Variants in IL17RD observed in about 807,000 individuals in gnomAD.
IL17RD encodes the protein interleukin 17 receptor D.
IL17RD carries 52 observed loss-of-function variants against 80.5 expected under a neutral mutation model. The observed-to-expected ratio is 0.65, with a 90% CI of 0.52 to 0.81. The LOEUF (loss-of-function observed/expected upper bound fraction) is 0.81. Ranked by LOEUF, IL17RD falls within the 40% of genes least tolerant of loss-of-function variation. The pLI, the probability that IL17RD is intolerant of heterozygous loss-of-function variation, is 0.00. For missense variants in IL17RD, 1,024 were observed against 955.1 expected, an observed-to-expected ratio of 1.07 and a Z score of -0.95; for synonymous variants, 416 against 391.8, an observed-to-expected ratio of 1.06 and a Z score of -0.73.
chr3:57,093,855 C>T lies in IL17RD; in HGVS notation c.*2538G>A, dbSNP rs1437252611. The T allele has an allele frequency of 2.6e-5, 4 of 152,192 alleles. No homozygotes were observed. The allele number at this position is 152,192 out of a possible 1,614,324, so 9.4% of individuals were successfully genotyped here. ...ATCAGATGCTAAGTCCTTTCTGTAG[C>T]TCATTGGTAAGTTAAGATGAACAAC... On this transcript the variant is annotated 3_prime_UTR_variant, in exon 13 of 13. Coordinates refer to ENST00000296318, the MANE Select transcript of IL17RD (RefSeq NM_017563.5).
At chr3:57,119,930 C>A (rs1444803145) in intron 2 of IL17RD, among the ~76,000 whole-genome samples, 5 of 152,208 alleles carry the variant, frequency 3.3e-5, no homozygotes, top group African/African-American at 9.6e-5. Flanking sequence ...TAGCACCCTG[C>A]ACTGGGGCAA....
chr3:57,098,352 GGAAGAGC>G lies in IL17RD; in HGVS notation c.1344_1350del (p.Glu448AspfsTer43). The stretch of plus-strand genomic sequence containing the variant: ...TCGGCAATGGCTGACACCGCCACCA[GGAAGAGC>G]TCTCCTTTCCCCGAGCCTCGGCCAC... On this transcript the variant is annotated frameshift_variant, in exon 12 of 13. Coordinates refer to ENST00000296318, the MANE Select transcript of IL17RD (RefSeq NM_017563.5). LOFTEE classifies it high-confidence loss of function. The G allele has an allele frequency of 1.2e-6, 2 of 1,614,024 alleles. No homozygotes were observed. The highest frequency in any genetic ancestry group is 1.7e-6 in the Non-Finnish European group (2 of 1,179,888).
At chr3:57,138,255 TTTATG>T (rs1262050593) in intron 1 of IL17RD, among the ~76,000 whole-genome samples, 1 of 152,168 alleles carries the variant, frequency 6.6e-6, no homozygotes, top group African/African-American at 2.4e-5. Context: ...AATGGTAAAT[TTTATG>T]TTATGTGTAT....
rs1368483808 is a variant in IL17RD at position 57,098,482 on chromosome 3, C to T, written c.1221G>A (p.Trp407Ter). The change falls in exon 12 of 13, where the codon TGG (tryptophan) becomes TGA (stop). Residue 407 changes from tryptophan to a stop codon, truncating the protein, a stop_gained. Transcript: ENST00000296318. LOFTEE classifies it high-confidence loss of function. ...GGGACTCGTGGATCTTCTGGATGAC[C>T]CATTCTCTCTGCCCTTCTCTACAGA... ...FSLCREGQRE[W>*]VIQKIHESQF... is the part of the protein sequence containing the mutation. 1.9e-6 allele frequency: 3 copies of T among 1,613,732 alleles called. No homozygotes were observed. The highest frequency in any genetic ancestry group is 2.5e-6 in the Non-Finnish European group (3 of 1,179,734).
chr3:57,137,235 T>C (rs1204170196), intron 1 of IL17RD, among the ~76,000 whole-genome samples: 1 of 152,192 alleles, frequency 6.6e-6, no homozygotes, highest in African/African-American at 2.4e-5. Context: ...CAACACACCC[T>C]CATTGCTTCT....
chr3:57,123,397 T>C (rs972218339), intron 1 of IL17RD, among the ~76,000 whole-genome samples: 6 of 152,218 alleles, frequency 3.9e-5, no homozygotes, highest in Admixed American at 3.9e-4. Flanking sequence ...TTGCACCTTC[T>C]AAACCCTTTG....
In IL17RD at chr3:57,101,830, A is replaced by C. The variant is rs1706837879; in HGVS notation, c.980-467T>G. 1.3e-5 allele frequency among the ~76,000 whole-genome samples: 2 copies of C among 152,238 alleles called. 1 individual carries two copies. Among genetic ancestry groups the C allele is most frequent in the South Asian group, 4.1e-4 (2 of 4,834 alleles). ...ATATAACTGTGTAATCCTCACCCAG[A>C]CCAAGCTATGGATCATTTCCAACTC... On this transcript the variant is annotated intron_variant, in intron 10 of 12. Transcript: ENST00000296318.
intron 1 of IL17RD, among the ~76,000 whole-genome samples, chr3:57,128,563 A>G (rs148124628): frequency 6.6e-6 from 1 of 151,932 alleles, no homozygotes; most frequent in Non-Finnish European, 1.5e-5. Flanking sequence ...AAATCCATTC[A>G]CTAAAGATAA....
At chr3:57,163,464 C>T (rs998124878) in intron 1 of IL17RD, among the ~76,000 whole-genome samples, 19 of 152,166 alleles carry the variant, frequency 1.2e-4, no homozygotes, top group African/African-American at 4.3e-4. Flanking sequence ...GGAAACTTCA[C>T]GAGTTTTGTA....
At chr3:57,117,611 A>G (rs1707244790) in intron 2 of IL17RD, among the ~76,000 whole-genome samples, 1 of 152,248 alleles carries the variant, frequency 6.6e-6, no homozygotes, top group Admixed American at 6.5e-5. Context: ...GATTTTTAGT[A>G]ATTTTGTTGA....
At chr3:57,129,433 A>C (rs1008995724) in intron 1 of IL17RD, among the ~76,000 whole-genome samples, 1 of 152,214 alleles carries the variant, frequency 6.6e-6, no homozygotes, top group Non-Finnish European at 1.5e-5. Flanking sequence ...ACAACTACTA[A>C]TGAAAAGCCT....
At chr3:57,168,567 G>A (rs2060357165), upstream of IL17RD, among the ~76,000 whole-genome samples, 1 of 152,212 alleles carries the variant, frequency 6.6e-6, no homozygotes, top group African/African-American at 2.4e-5. Flanking sequence ...GTGAGTGGCA[G>A]GAGAGCCACA....
chr3:57,148,834 C>T (rs1269078459), intron 1 of IL17RD, among the ~76,000 whole-genome samples: 1 of 152,180 alleles, frequency 6.6e-6, no homozygotes, highest in Non-Finnish European at 1.5e-5. Flanking sequence ...CCCAGAACAT[C>T]CCCACCTCTC....
intron 4 of IL17RD, 38 bp downstream of exon 4, chr3:57,110,155 G>A (rs371916612): frequency 3.7e-5 from 58 of 1,558,646 alleles, no homozygotes; most frequent in Middle Eastern, 1.7e-4. Context: ...CTGGAACAAT[G>A]GCATGTCTTC....
rs201420445 is a variant in IL17RD at position 57,097,757 on chromosome 3, G to A, written c.1946C>T (p.Thr649Met). 288 of 1,601,706 alleles carry A rather than the reference G, an allele frequency of 1.8e-4. No homozygotes were observed. The highest frequency in any genetic ancestry group is 3.3e-4 in the Middle Eastern group (2 of 6,014). ...GTCCGAGGGGCTGCCGGCTTTCACC[G>A]TGTGCAGCAGGGGTTGCAGGGCGGC... is the stretch of plus-strand genomic sequence containing the variant. ...GSAALQPLLH[T>M]VKAGSPSDMP... The change falls in exon 12 of 13, where the codon ACG (threonine) becomes ATG (methionine). Residue 649 changes from threonine (T) to methionine (M), a missense_variant. Physicochemically the swap from Thr to Met is moderately conservative, Grantham distance 81. Transcript: ENST00000296318.
chr3:57,140,482 C>A (rs1254946973), intron 1 of IL17RD, among the ~76,000 whole-genome samples: 1 of 152,182 alleles, frequency 6.6e-6, no homozygotes, highest in Non-Finnish European at 1.5e-5. Flanking sequence ...TTCAGGCAAA[C>A]CATTTTTGTT....
chr3:57,165,373 C>CGCGGCGGCA (rs1320269769), upstream of IL17RD: 9 of 1,141,668 alleles, frequency 7.9e-6, no homozygotes, highest in Admixed American at 4.7e-5. Context: ...CCGCGGCGGC[C>CGCGGCGGCA]GCGGCGGCAG....
chr3:57,102,637 T>G, intron 9 of IL17RD, 48 bp from the exon 10 acceptor site: 1 of 991,664 alleles, frequency 1.0e-6, no homozygotes, highest in Non-Finnish European at 1.5e-6. Context: ...AGTGTAAAGG[T>G]TCAAAGAGAA....
chr3:57,154,043 C>T (rs1249859103), intron 1 of IL17RD, among the ~76,000 whole-genome samples: 1 of 151,212 alleles, frequency 6.6e-6, no homozygotes, highest in Non-Finnish European at 1.5e-5. Flanking sequence ...GCCAGGAGTT[C>T]GAGACTAGCC....
Sources: allele counts gnomAD v4.1 joint callset (sites outside exome capture counted in the v4.1 genomes callset), GRCh38; gene constraint gnomAD v4.1.1; transcripts MANE v1.5; gene names NCBI Gene and HGNC (gene_info 2026-07-23, HGNC 2026-07-21).